MEGF11: variants seen among roughly 807,000 people sequenced by gnomAD.
MEGF11 encodes the protein multiple EGF like domains 11.
In MEGF11, 126 loss-of-function variants were observed where a neutral mutation model predicts 146.6. That is an observed-to-expected ratio of 0.86 (90% CI 0.74 to 1.00). MEGF11 has a LOEUF of 1.00. MEGF11 is among the 50% of genes least tolerant of loss of function. The pLI, the probability that MEGF11 is intolerant of heterozygous loss-of-function variation, is 0.00. For synonymous variants in MEGF11, 532 were observed against 583.4 expected (o/e 0.91, Z 1.27); for missense variants, 1,509 against 1,521.2 (o/e 0.99, Z 0.13).
intron 1 of MEGF11, among the ~76,000 whole-genome samples, chr15:66,211,395 G>A (rs566626220): frequency 1.3e-5 from 2 of 152,144 alleles, no homozygotes; most frequent in African/African-American, 4.8e-5. Flanking sequence ...ATGGTGGCAG[G>A]CACCTGTAGT....
chr15:66,102,077 C>G (rs2086833595), intron 4 of MEGF11, among the ~76,000 whole-genome samples: 1 of 151,682 alleles, frequency 6.6e-6, no homozygotes, highest in African/African-American at 2.4e-5. Context: ...CCACATAAAG[C>G]AATCACATCC....
At position 65,940,400 on chromosome 15, in the gene MEGF11, C is replaced by T. The variant is rs1044612886; in HGVS notation, c.1288-9457G>A. Among the ~76,000 whole-genome samples, 33 of 152,220 alleles carry T rather than the reference C, an allele frequency of 2.2e-4. 3 individuals are homozygous for T. Among genetic ancestry groups the T allele is most frequent in the Admixed American group, 1.4e-3 (22 of 15,282 alleles). ...TCCTGCCCACCCTTGTCAGTCACAC[C>T]CCACTCCCAACTCTAAGCGCTAGGA... On this transcript the variant is annotated intron_variant, in intron 10 of 25. Coordinates refer to ENST00000395614, the MANE Select transcript of MEGF11 (RefSeq NM_001385028.1).
chr15:66,209,745 T>TG (rs1257286799), intron 1 of MEGF11, among the ~76,000 whole-genome samples: 2 of 151,308 alleles, frequency 1.3e-5, no homozygotes, highest in African/African-American at 4.8e-5. Context: ...AGTGGTTGCC[T>TG]GGGGTTTAGG....
chr15:66,211,037 C>T (rs2091431724), intron 1 of MEGF11, among the ~76,000 whole-genome samples: 1 of 152,208 alleles, frequency 6.6e-6, no homozygotes, highest in Non-Finnish European at 1.5e-5. Flanking sequence ...AACCAGCTGC[C>T]TACACTCCAG....
At chr15:65,962,812 G>A (rs1192540010) in intron 9 of MEGF11, among the ~76,000 whole-genome samples, 1 of 152,160 alleles carries the variant, frequency 6.6e-6, no homozygotes, top group Non-Finnish European at 1.5e-5. Context: ...ACTCAGAGGA[G>A]ACCAGGCTGG....
chr15:65,928,912 G>A (rs930146476), intron 12 of MEGF11, among the ~76,000 whole-genome samples: 2 of 152,224 alleles, frequency 1.3e-5, no homozygotes, highest in Admixed American at 6.5e-5. Flanking sequence ...TTGATCATCT[G>A]TGAGGAATGA....
intron 13 of MEGF11, among the ~76,000 whole-genome samples, chr15:65,925,038 A>G (rs1222093830): frequency 1.3e-5 from 2 of 152,158 alleles, no homozygotes; most frequent in East Asian, 1.9e-4. Context: ...AGGGCCTCCA[A>G]TTCCACTGCA....
At chr15:65,908,758 A>G (rs529278967) in intron 23 of MEGF11, among the ~76,000 whole-genome samples, 1 of 152,304 alleles carries the variant, frequency 6.6e-6, no homozygotes, top group South Asian at 2.1e-4. Flanking sequence ...TGTGGCCTGT[A>G]GGGAGGGCAG....
chr15:66,124,996 T>C (rs920690392), intron 2 of MEGF11, among the ~76,000 whole-genome samples: 1 of 152,256 alleles, frequency 6.6e-6, no homozygotes, highest in Non-Finnish European at 1.5e-5. Context: ...GGGTCCAGGC[T>C]GTAAAGCACG....
intron 5 of MEGF11, among the ~76,000 whole-genome samples, chr15:66,022,918 C>T (rs942171919): frequency 7.3e-5 from 11 of 150,250 alleles, no homozygotes; most frequent in Admixed American, 2.0e-4. Flanking sequence ...GGGAGGCTGA[C>T]GGGTGGGGTG....
intron 20 of MEGF11, among the ~76,000 whole-genome samples, chr15:65,913,043 A>G (rs534184769): frequency 1.3e-5 from 2 of 152,302 alleles, no homozygotes; most frequent in Admixed American, 6.5e-5. Context: ...TGTTTAGCCA[A>G]TATGAAGCAA....
Position 65,965,093 on chromosome 15 carries a change from G to T in MEGF11, c.927C>A (p.Ser309=). The T allele has an allele frequency of 1.3e-6, 2 of 1,595,286 alleles. No homozygotes were observed. Among genetic ancestry groups the T allele is most frequent in the East Asian group, 2.3e-5 (1 of 44,164 alleles). ...AGTGCTGTGAGCACTGGAAGCCGAA[G>T]GACCCGAAGGGGCACTCCTCTTGGC... The part of the protein sequence containing the change: ...DRCQEECPFG[S]FGFQCSQHCD... The change falls in exon 9 of 26, where the codon TCC becomes TCA. Residue 309 remains serine (S), a synonymous_variant. Transcript: ENST00000395614.
chr15:66,105,710 G>A (rs1435818485), intron 4 of MEGF11, among the ~76,000 whole-genome samples: 1 of 152,258 alleles, frequency 6.6e-6, no homozygotes, highest in African/African-American at 2.4e-5. Flanking sequence ...CTGTTTCAGA[G>A]AGAATTTCTG....
intron 7 of MEGF11, among the ~76,000 whole-genome samples, chr15:65,976,036 A>G (rs937450676): frequency 1.6e-5 from 2 of 126,832 alleles, no homozygotes; most frequent in African/African-American, 5.9e-5. Flanking sequence ...CCCCTTCAAC[A>G]TTCCTTTTTT....
rs2303374 is a variant in MEGF11, at chr15:65,898,739, A to G, written c.3251T>C (p.Ile1084Thr). 1,584 of 1,613,810 alleles carry G rather than the reference A, an allele frequency of 9.8e-4. 30 individuals carry two copies. The East Asian group carries it at 0.029, about 29-fold the overall frequency. ...VPSLSTSNKN[I>T]YEVEPTVSVV... The stretch of plus-strand genomic sequence containing the variant: ...TTTGAGACACCTACCAACTTCATAT[A>G]TATTTTTATTAGATGTCGACAAGGA... Residue 1084 changes from isoleucine (I) to threonine (T), a missense_variant, in exon 25 of 26, where the codon ATA becomes ACA. Coordinates refer to ENST00000395614, the MANE Select transcript of MEGF11 (RefSeq NM_001385028.1).
At chr15:66,162,725 C>G (rs1370858582) in intron 1 of MEGF11, among the ~76,000 whole-genome samples, 1 of 152,086 alleles carries the variant, frequency 6.6e-6, no homozygotes, top group Non-Finnish European at 1.5e-5. Flanking sequence ...TGGGGCCACA[C>G]AGGTGTATCT....
At chr15:66,077,428 C>T (rs185266226) in intron 5 of MEGF11, among the ~76,000 whole-genome samples, 3 of 152,338 alleles carry the variant, frequency 2.0e-5, no homozygotes, top group Admixed American at 2.0e-4. Flanking sequence ...GTGTCTGGCC[C>T]CCTACTCCCC....
intron 13 of MEGF11, 119 bp from the exon 14 acceptor site, chr15:65,923,088 T>C: frequency 1.8e-6 from 2 of 1,113,728 alleles, no homozygotes; most frequent in Non-Finnish European, 2.5e-6. Context: ...CATCCAGGAA[T>C]GTAGAGGAGA....
chr15:65,913,191 C>T (rs2078870821), intron 20 of MEGF11, among the ~76,000 whole-genome samples: 1 of 152,188 alleles, frequency 6.6e-6, no homozygotes, highest in East Asian at 1.9e-4. Flanking sequence ...CATGGATGCA[C>T]TGGGCTCTGG....
Sources: allele counts gnomAD v4.1 joint callset (sites outside exome capture counted in the v4.1 genomes callset), GRCh38; gene constraint gnomAD v4.1.1; transcripts MANE v1.5; gene names NCBI Gene and HGNC (gene_info 2026-07-23, HGNC 2026-07-21).